The following TRPM7 variants were observed in gnomAD, a reference collection of about 807,000 sequenced individuals.
TRPM7 encodes transient receptor potential cation channel subfamily M member 7, also known as LTRPC ion channel family member 7.
Under a neutral mutation model 229.7 loss-of-function variants are expected in TRPM7, and 134 were observed. The observed-to-expected ratio is 0.58, with a 90% CI of 0.51 to 0.67. TRPM7 has a LOEUF of 0.67. Among genes scored for constraint, TRPM7 ranks in the 30% least tolerant of loss-of-function variants. The probability of loss-of-function intolerance (pLI) is 0.00; values close to 1 mark genes in which losing one functional copy is unlikely to be tolerated. For missense variants in TRPM7, 1,901 were observed against 2,210.0 expected (o/e 0.86, Z 2.80); for synonymous variants, 699 against 715.2 (o/e 0.98, Z 0.36).
At position 50,560,093 on chromosome 15, in the gene TRPM7, C is replaced by A. The variant is rs761389638; in HGVS notation, c.*1585G>T. The A allele has an allele frequency of 6.8e-6, 1 of 147,012 alleles. No homozygotes were observed. The highest frequency in any genetic ancestry group is 2.5e-5 in the African/African-American group (1 of 39,534). The allele number at this position is 147,012 out of a possible 1,614,324, so 9.1% of individuals were successfully genotyped here. On this transcript the variant is annotated 3_prime_UTR_variant, in exon 39 of 39. Coordinates refer to ENST00000646667, the MANE Select transcript of TRPM7 (RefSeq NM_017672.6). ...CAATATAAAATTAAAAATCAACAGACAGCCCATATTGCCCTTTTTTGGCCT... is the reference window on the plus strand; with the variant it reads ...CAATATAAAATTAAAAATCAACAGAAAGCCCATATTGCCCTTTTTTGGCCT...
intron 28 of TRPM7, 64 bp from the exon 29 acceptor site, chr15:50,583,223 C>A: frequency 3.4e-6 from 4 of 1,185,024 alleles, no homozygotes; most frequent in African/African-American, 1.6e-5. Context: ...ACCAACTAAC[C>A]AAACACAAAG....
chr15:50,616,840 C>G (rs1298115461), intron 13 of TRPM7, among the ~76,000 whole-genome samples: 1 of 152,094 alleles, frequency 6.6e-6, no homozygotes, highest in Admixed American at 6.6e-5. Flanking sequence ...GCCACCACAC[C>G]TGGCAAATTT....
intron 31 of TRPM7, among the ~76,000 whole-genome samples, chr15:50,578,376 T>A (rs2054237483): frequency 6.6e-6 from 1 of 152,078 alleles, no homozygotes; most frequent in East Asian, 1.9e-4. Flanking sequence ...AGATGGAATA[T>A]TAGAAAAGGA....
Position 50,628,223 on chromosome 15 carries a change from G to C in TRPM7, c.1231C>G (p.Leu411Val). Residue 411 changes from leucine (L) to valine (V), a missense_variant, in exon 11 of 39, where the codon CTT (leucine) becomes GTT (valine). Coordinates refer to ENST00000646667, the MANE Select transcript of TRPM7 (RefSeq NM_017672.6). ...KGTNASAFDQ[L>V]ILTLAWDRVD... ...CTATCCCATGCCAATGTAAGGATAA[G>C]CTGGTCAAATGCAGATGCATTAGTA... 6.2e-7 allele frequency: 1 copy of C among 1,613,274 alleles called. No individual in the cohort carries two copies.
chr15:50,658,108 C>A (rs1245680612), intron 2 of TRPM7, among the ~76,000 whole-genome samples: 1 of 151,694 alleles, frequency 6.6e-6, no homozygotes, highest in Non-Finnish European at 1.5e-5. Flanking sequence ...GGGTTCACAC[C>A]ACTCTCCTGC....
chr15:50,608,400 C>G (rs1423544423), intron 19 of TRPM7, among the ~76,000 whole-genome samples: 1 of 149,578 alleles, frequency 6.7e-6, no homozygotes, highest in Non-Finnish European at 1.5e-5. Flanking sequence ...TCCACCAGTC[C>G]TAGAATAAGT....
intron 13 of TRPM7, among the ~76,000 whole-genome samples, chr15:50,617,808 C>A (rs1347706564): frequency 6.6e-6 from 1 of 151,794 alleles, no homozygotes; most frequent in Non-Finnish European, 1.5e-5. Context: ...AGGCACGTGA[C>A]AACATGCCGG....
intron 1 of TRPM7, among the ~76,000 whole-genome samples, chr15:50,684,396 C>A (rs2062313161): frequency 6.6e-6 from 1 of 152,116 alleles, no homozygotes; most frequent in South Asian, 2.1e-4. Context: ...AATCCCAACA[C>A]TTTGGGAGGT....
At chr15:50,609,099 A>C (rs957217709) in intron 19 of TRPM7, among the ~76,000 whole-genome samples, 13 of 152,238 alleles carry the variant, frequency 8.5e-5, no homozygotes, top group African/African-American at 2.9e-4. Flanking sequence ...AAGGTAATCA[A>C]GCATACACTT....
At chr15:50,647,587 T>C (rs1044700218) in intron 4 of TRPM7, among the ~76,000 whole-genome samples, 3 of 151,828 alleles carry the variant, frequency 2.0e-5, no homozygotes, top group Non-Finnish European at 2.9e-5. Flanking sequence ...CTACTAAAAA[T>C]ACAAAAAATT....
intron 24 of TRPM7, 138 bp from the exon 25 acceptor site, chr15:50,593,887 C>CT: frequency 1.3e-6 from 1 of 779,638 alleles, no homozygotes; most frequent in Non-Finnish European, 2.0e-6. Context: ...TACTATGCTT[C>CT]TAAAGCACTA....
Position 50,635,682 on chromosome 15 carries a change from AAAAAAAAAAG to A in TRPM7, c.833-1136_833-1127del, listed in dbSNP as rs1475145383. Among the ~76,000 whole-genome samples, 45 of 130,980 alleles carry A rather than the reference AAAAAAAAAAG, an allele frequency of 3.4e-4. 4 individuals are homozygous for A. Among genetic ancestry groups the A allele is most frequent in the East Asian group, 1.5e-3 (7 of 4,524 alleles). The allele number at this position is 130,980 out of a possible 152,430, so 85.9% of individuals were successfully genotyped here. On this transcript the variant is annotated intron_variant, in intron 7 of 38. Coordinates refer to ENST00000646667, the MANE Select transcript of TRPM7 (RefSeq NM_017672.6). ...CATCTCCCAAAAAAAAAAAAAAAAA[AAAAAAAAAAG>A]AGGACGGCTGGGTATGGTGGCTCAT...
intron 29 of TRPM7, among the ~76,000 whole-genome samples, chr15:50,582,173 C>T (rs2054448161): frequency 6.6e-6 from 1 of 152,086 alleles, no homozygotes; most frequent in Non-Finnish European, 1.5e-5. Context: ...GTTGGCCAGG[C>T]TGCTTGAACT....
chr15:50,599,633 G>C (rs560859634), intron 21 of TRPM7: 2 of 169,060 alleles, frequency 1.2e-5, no homozygotes, highest in East Asian at 3.2e-4. Context: ...CAGATTTAGG[G>C]AATCAATTTC....
intron 11 of TRPM7, among the ~76,000 whole-genome samples, chr15:50,625,142 A>T (rs969330013): frequency 6.6e-6 from 1 of 152,200 alleles, no homozygotes; most frequent in East Asian, 1.9e-4. Flanking sequence ...TTATTAATAA[A>T]GGTTGTTTTA....
intron 20 of TRPM7, among the ~76,000 whole-genome samples, chr15:50,605,414 G>A (rs150420855): frequency 0.013 from 2,051 of 152,268 alleles, 21 homozygotes; most frequent in South Asian, 0.045. Flanking sequence ...GACCTGGATT[G>A]TAAAATACTT....
intron 1 of TRPM7, among the ~76,000 whole-genome samples, chr15:50,670,292 G>A (rs2061961291): frequency 6.6e-6 from 1 of 152,134 alleles, no homozygotes; most frequent in South Asian, 2.1e-4. Flanking sequence ...TTGAATAGGG[G>A]CTGAGTAAAA....
intron 24 of TRPM7, 49 bp downstream of exon 24, chr15:50,594,380 A>C: frequency 6.9e-7 from 1 of 1,451,200 alleles, no homozygotes; most frequent in Non-Finnish European, 9.4e-7. Flanking sequence ...TTGGTGTAAA[A>C]ATGAGAAGTG....
intron 25 of TRPM7, 148 bp from the exon 26 acceptor site, chr15:50,592,774 A>T: frequency 1.7e-6 from 1 of 603,676 alleles, no homozygotes; most frequent in Non-Finnish European, 2.8e-6. Flanking sequence ...TTAATTATAC[A>T]AGGCCTACCT....
Sources: gnomAD v4.1 joint callset for allele counts (sites outside exome capture counted in the v4.1 genomes callset) on GRCh38, gnomAD v4.1.1 for gene constraint, MANE v1.5 for transcripts, NCBI Gene and HGNC (gene_info 2026-07-23, HGNC 2026-07-21) for gene names.